The following CLEC2D variants were observed in gnomAD, a reference collection of about 807,000 sequenced individuals.
The protein encoded by CLEC2D is C-type lectin related f.
CLEC2D carries 16 observed loss-of-function variants against 20.0 expected under a neutral mutation model. The observed-to-expected ratio is 0.80, with a 90% confidence interval of 0.54 to 1.22. The LOEUF (loss-of-function observed/expected upper bound fraction) is 1.22. CLEC2D is among the 50% of genes most tolerant of loss of function. The pLI is 0.00. For synonymous variants in CLEC2D, 77 were observed against 71.1 expected (o/e 1.08, Z -0.42); for missense variants, 207 against 221.5 (o/e 0.93, Z 0.42).
chr12:9,694,939 T>C lies in CLEC2D; in HGVS notation c.*65T>C. 2 of 826,290 alleles carry C rather than the reference T, an allele frequency of 2.4e-6. No individual in the cohort carries two copies. The highest frequency in any genetic ancestry group is 4.1e-6 in the Non-Finnish European group (2 of 482,144). The allele number at this position is 826,290 out of a possible 1,614,324, so 51.2% of individuals were successfully genotyped here. A position where few individuals can be genotyped will look rare whatever the true frequency, so the allele number is the denominator to read the frequency against. On this transcript the variant is annotated 3_prime_UTR_variant, in exon 5 of 5. Coordinates refer to ENST00000290855, the MANE Select transcript of CLEC2D (RefSeq NM_013269.6). ...TGGAACTGATAACTCCATTTTAAAATGAGCAAAGAATTTATTTCTTATACC... is the reference window on the plus strand; with the variant it reads ...TGGAACTGATAACTCCATTTTAAAACGAGCAAAGAATTTATTTCTTATACC...
At chr12:9,678,983 C>T (rs998128518) in intron 1 of CLEC2D, among the ~76,000 whole-genome samples, 1 of 152,174 alleles carries the variant, frequency 6.6e-6, no homozygotes, top group African/African-American at 2.4e-5. Context: ...ACACTCACAA[C>T]TAACATAAGT....
intron 4 of CLEC2D, 145 bp downstream of exon 4, chr12:9,693,076 G>T (rs1486286246): frequency 6.2e-7 from 1 of 1,613,890 alleles, no homozygotes; most frequent in South Asian, 1.1e-5. Flanking sequence ...ATGTTGCAAA[G>T]GTTTCACAAG....
Position 9,698,377 on chromosome 12 carries a change from C to G in CLEC2D, c.*3503C>G, listed in dbSNP as rs1591709263. 1 of 152,166 alleles carries G rather than the reference C, an allele frequency of 6.6e-6. No individual in the cohort carries two copies. The allele number at this position is 152,166 out of a possible 1,614,324, so 9.4% of individuals were successfully genotyped here. On this transcript the variant is annotated 3_prime_UTR_variant, in exon 5 of 5. Transcript: ENST00000290855. ...CCTGTGACATGTGGGGAACATCTCT[C>G]TATTCCCCAGCCCCAGTCCCTAAAT...
At chr12:9,669,978 T>A (rs1459838005) in intron 1 of CLEC2D, among the ~76,000 whole-genome samples, 183 bp downstream of exon 1, 1 of 152,098 alleles carries the variant, frequency 6.6e-6, no homozygotes, top group East Asian at 1.9e-4. Context: ...TATTCCCAGT[T>A]CTAACAACTA....
chr12:9,675,278 C>T (rs1244562604), intron 1 of CLEC2D, among the ~76,000 whole-genome samples: 4 of 151,684 alleles, frequency 2.6e-5, no homozygotes, highest in Non-Finnish European at 4.4e-5. Context: ...ACTGCAAGCT[C>T]CGCCTCCTGG....
chr12:9,684,267 G>A (rs1237322043), intron 2 of CLEC2D, among the ~76,000 whole-genome samples: 1 of 152,182 alleles, frequency 6.6e-6, no homozygotes, highest in Non-Finnish European at 1.5e-5. Context: ...AGCTTAATAA[G>A]TTTTAAGGGG....
chr12:9,676,069 A>G (rs1185720345), intron 1 of CLEC2D, among the ~76,000 whole-genome samples: 1 of 152,212 alleles, frequency 6.6e-6, no homozygotes, highest in African/African-American at 2.4e-5. Flanking sequence ...ATAGATGATT[A>G]TGTCATCTGC....
At chr12:9,684,601 A>G (rs953362051) in intron 2 of CLEC2D, among the ~76,000 whole-genome samples, 19 of 152,132 alleles carry the variant, frequency 1.2e-4, no homozygotes, top group Admixed American at 1.1e-3. Context: ...GGGGTGTTCA[A>G]TTTTATCAAA....
At chr12:9,673,543 A>G (rs1439704738) in intron 1 of CLEC2D, among the ~76,000 whole-genome samples, 1 of 152,202 alleles carries the variant, frequency 6.6e-6, no homozygotes, top group Non-Finnish European at 1.5e-5. Context: ...GGGATCAAGG[A>G]CCCGCTTATG....
chr12:9,681,165 A>C (rs1865627788), intron 2 of CLEC2D, 132 bp downstream of exon 2: 1 of 546,944 alleles, frequency 1.8e-6, no homozygotes, highest in Non-Finnish European at 3.1e-6. Context: ...CACTCCAATA[A>C]CTTTTTAAGT....
chr12:9,685,574 GTGGCTTTGCTGCAC>G (rs1020602691), intron 2 of CLEC2D, among the ~76,000 whole-genome samples: 31 of 152,350 alleles, frequency 2.0e-4, no homozygotes, highest in South Asian at 4.1e-4. Flanking sequence ...TCCGGCTGCA[GTGGCTTTGCTGCAC>G]TGGCTTTGCT....
At chr12:9,671,310 G>A (rs1380610593) in intron 1 of CLEC2D, among the ~76,000 whole-genome samples, 2 of 152,088 alleles carry the variant, frequency 1.3e-5, no homozygotes, top group Non-Finnish European at 2.9e-5. Context: ...TGCAAGCCCC[G>A]CCTCCTGGGT....
chr12:9,688,137 G>C, intron 3 of CLEC2D, 51 bp downstream of exon 3: 1 of 1,278,596 alleles, frequency 7.8e-7, no homozygotes, highest in East Asian at 4.3e-5. Flanking sequence ...ACAAGGATAT[G>C]TTTTCCTGTG....
In CLEC2D at chr12:9,696,590, G is replaced by T; in HGVS notation, c.*1716G>T. 1 of 198,092 alleles carries T rather than the reference G, an allele frequency of 5.0e-6. No homozygotes were observed. The highest frequency in any genetic ancestry group is 1.0e-5 in the Non-Finnish European group (1 of 97,416). The allele number at this position is 198,092 out of a possible 1,614,324, so 12.3% of individuals were successfully genotyped here. A position where few individuals can be genotyped will look rare whatever the true frequency, so the allele number is the denominator to read the frequency against. On this transcript the variant is annotated 3_prime_UTR_variant, in exon 5 of 5. Coordinates refer to ENST00000290855, the MANE Select transcript of CLEC2D (RefSeq NM_013269.6). ...GTATGGGGAAAACTGCCCCCATAAA[G>T]CAATTGTCTCCACCTGGCCCTGCCC...
At chr12:9,679,147 T>C (rs1482109517) in intron 1 of CLEC2D, among the ~76,000 whole-genome samples, 7 of 152,140 alleles carry the variant, frequency 4.6e-5, no homozygotes, top group Admixed American at 4.6e-4. Context: ...ATAAAAGATG[T>C]ATACATAAGC....
At position 9,695,022 on chromosome 12, in the gene CLEC2D, A is replaced by G. The variant is rs1336033820; in HGVS notation, c.*148A>G. 6 of 601,426 alleles carry G rather than the reference A, an allele frequency of 1.0e-5. No homozygotes were observed. The East Asian group carries it at 1.7e-4, about 17-fold the overall frequency. The allele number at this position is 601,426 out of a possible 1,614,324, so 37.3% of individuals were successfully genotyped here. On this transcript the variant is annotated 3_prime_UTR_variant, in exon 5 of 5. Coordinates refer to ENST00000290855, the MANE Select transcript of CLEC2D (RefSeq NM_013269.6). ...AATAACTGGGAAAATACAAATCAAA[A>G]TCATAGTAAAATATTACCTGTTTTC...
At chr12:9,673,008 A>G (rs1176408345) in intron 1 of CLEC2D, among the ~76,000 whole-genome samples, 3 of 152,140 alleles carry the variant, frequency 2.0e-5, no homozygotes, top group Admixed American at 6.5e-5. Context: ...GGGTTAGAAC[A>G]TAATGCTTTA....
At chr12:9,670,893 T>C (rs1335587124) in intron 1 of CLEC2D, among the ~76,000 whole-genome samples, 1 of 152,168 alleles carries the variant, frequency 6.6e-6, no homozygotes, top group Non-Finnish European at 1.5e-5. Context: ...GCATCTTTAG[T>C]GTGCCAATTA....
At chr12:9,685,941 CG>C (rs1174896807) in intron 2 of CLEC2D, among the ~76,000 whole-genome samples, 3 of 152,092 alleles carry the variant, frequency 2.0e-5, no homozygotes, top group Non-Finnish European at 2.9e-5. Flanking sequence ...CTGCCCAAAT[CG>C]CCACCCAGTT....
Sources: allele counts gnomAD v4.1 joint callset (sites outside exome capture counted in the v4.1 genomes callset), GRCh38; gene constraint gnomAD v4.1.1; transcripts MANE v1.5; gene names NCBI Gene and HGNC (gene_info 2026-07-23, HGNC 2026-07-21).